The following SCFD2 variants were observed in gnomAD, a reference collection of about 807,000 sequenced individuals.
The protein encoded by SCFD2 is sec1 family domain-containing protein 2.
Under a neutral mutation model 58.9 loss-of-function variants are expected in SCFD2, and 54 were observed. The ratio of observed to expected loss-of-function variants is 0.92; its 90% CI spans 0.74 to 1.15. The LOEUF is 1.15. SCFD2 is among the 50% of genes most tolerant of loss of function. The probability of loss-of-function intolerance (pLI) is 0.00; values close to 1 mark genes in which losing one functional copy is unlikely to be tolerated. For synonymous variants in SCFD2, 321 were observed against 335.9 expected (o/e 0.96, Z 0.49); for missense variants, 805 against 836.6 (o/e 0.96, Z 0.47).
chr4:53,154,548 T>G (rs143465913), intron 4 of SCFD2, among the ~76,000 whole-genome samples: 2 of 152,276 alleles, frequency 1.3e-5, no homozygotes, highest in African/African-American at 4.8e-5. Flanking sequence ...AACATGAGAT[T>G]TGGAGGGGGC....
intron 5 of SCFD2, among the ~76,000 whole-genome samples, chr4:52,989,555 G>A (rs1048278357): frequency 6.6e-6 from 1 of 152,160 alleles, no homozygotes; most frequent in African/African-American, 2.4e-5. Context: ...TAGAATGCCT[G>A]TGGAATGCTT....
At chr4:53,160,103 T>C (rs1577788674) in intron 4 of SCFD2, among the ~76,000 whole-genome samples, 1 of 152,146 alleles carries the variant, frequency 6.6e-6, no homozygotes, top group Non-Finnish European at 1.5e-5. Context: ...ATTGTCAAGA[T>C]AGATTTAGTT....
intron 5 of SCFD2, among the ~76,000 whole-genome samples, chr4:53,011,836 A>G (rs1288489501): frequency 6.6e-6 from 1 of 152,208 alleles, no homozygotes; most frequent in African/African-American, 2.4e-5. Flanking sequence ...TGATGCCTTC[A>G]TAACATTATT....
chr4:52,910,273 G>A (rs925337028), intron 6 of SCFD2, among the ~76,000 whole-genome samples: 5 of 152,316 alleles, frequency 3.3e-5, no homozygotes, highest in Non-Finnish European at 4.4e-5. Flanking sequence ...TCTGCTGGCT[G>A]GAATGTAGAA....
intron 5 of SCFD2, among the ~76,000 whole-genome samples, chr4:53,018,925 G>C (rs1722279470): frequency 6.6e-6 from 1 of 152,162 alleles, no homozygotes; most frequent in African/African-American, 2.4e-5. Flanking sequence ...AAGCAAAGCA[G>C]CCCGTAAAGC....
intron 5 of SCFD2, among the ~76,000 whole-genome samples, chr4:52,999,479 G>T (rs1721817060): frequency 6.6e-6 from 1 of 152,036 alleles, no homozygotes; most frequent in African/African-American, 2.4e-5. Flanking sequence ...ACATGAGAGG[G>T]GCATTTATTT....
intron 5 of SCFD2, among the ~76,000 whole-genome samples, chr4:53,103,209 A>C (rs1724879987): frequency 1.3e-5 from 2 of 152,122 alleles, no homozygotes; most frequent in Admixed American, 6.6e-5. Context: ...CAAAATTAAC[A>C]TAACTGAAGG....
At chr4:53,239,370 A>C (rs534064239) in intron 4 of SCFD2, among the ~76,000 whole-genome samples, 45 of 136,732 alleles carry the variant, frequency 3.3e-4, no homozygotes, top group South Asian at 1.3e-3. Context: ...CCATGGAAAG[A>C]GAGGGAGAGG....
chr4:53,214,118 G>C (rs191595214), intron 4 of SCFD2, among the ~76,000 whole-genome samples: 14 of 152,030 alleles, frequency 9.2e-5, no homozygotes, highest in African/African-American at 3.4e-4. Context: ...GTAAACATAC[G>C]TGTGCATGTG....
chr4:52,961,195 C>A (rs1261492564), intron 5 of SCFD2, among the ~76,000 whole-genome samples: 2 of 152,196 alleles, frequency 1.3e-5, no homozygotes, highest in Non-Finnish European at 2.9e-5. Flanking sequence ...GAGGGCTCAG[C>A]ATGGCCCATA....
chr4:53,284,229 T>TA (rs981185510), intron 3 of SCFD2, among the ~76,000 whole-genome samples: 141 of 145,434 alleles, frequency 9.7e-4, no homozygotes, highest in Middle Eastern at 3.5e-3. Flanking sequence ...GTCTAATGAG[T>TA]AAAAAAAAAA....
At chr4:53,062,836 A>G (rs1723553311) in intron 5 of SCFD2, among the ~76,000 whole-genome samples, 1 of 152,176 alleles carries the variant, frequency 6.6e-6, no homozygotes, top group South Asian at 2.1e-4. Flanking sequence ...ATCTGTGATT[A>G]GACATTTTAA....
chr4:52,995,228 C>T (rs1560504887), intron 5 of SCFD2, among the ~76,000 whole-genome samples: 1 of 152,130 alleles, frequency 6.6e-6, no homozygotes, highest in Non-Finnish European at 1.5e-5. Context: ...AGTAAAAGAT[C>T]ATCAGGCATT....
intron 4 of SCFD2, among the ~76,000 whole-genome samples, chr4:53,273,349 A>G (rs1731231240): frequency 6.6e-6 from 1 of 152,226 alleles, no homozygotes; most frequent in Non-Finnish European, 1.5e-5. Context: ...TCCCACATAC[A>G]AATATCTGTA....
intron 4 of SCFD2, among the ~76,000 whole-genome samples, chr4:53,205,859 CAA>C (rs1048224823): frequency 6.6e-5 from 7 of 105,906 alleles, no homozygotes; most frequent in African/African-American, 7.2e-5. Flanking sequence ...GAGACTGTCT[CAA>C]AAAAAAAAAA....
At chr4:53,325,848 G>GT (rs1733176435) in intron 2 of SCFD2, among the ~76,000 whole-genome samples, 3 of 151,928 alleles carry the variant, frequency 2.0e-5, no homozygotes, top group African/African-American at 2.4e-5. Context: ...ACTTTGTCCA[G>GT]TTTTTTTTAG....
At chr4:52,964,831 C>T (rs955374634) in intron 5 of SCFD2, among the ~76,000 whole-genome samples, 23 of 152,044 alleles carry the variant, frequency 1.5e-4, no homozygotes, top group Admixed American at 6.5e-4. Context: ...AAATTGGATG[C>T]TCTAAGATAA....
chr4:53,231,657 G>A (rs1235609825), intron 4 of SCFD2, among the ~76,000 whole-genome samples: 1 of 152,120 alleles, frequency 6.6e-6, no homozygotes, highest in Non-Finnish European at 1.5e-5. Flanking sequence ...ATAGAGAAGA[G>A]TGCTGATGGT....
intron 5 of SCFD2, among the ~76,000 whole-genome samples, chr4:53,105,958 C>G (rs190694094): frequency 1.3e-5 from 2 of 150,750 alleles, no homozygotes; most frequent in East Asian, 2.0e-4. Context: ...TGGCTGGCAT[C>G]TGGTGGGTGC....
Sources: allele counts gnomAD v4.1 joint callset (sites outside exome capture counted in the v4.1 genomes callset), GRCh38; gene constraint gnomAD v4.1.1; transcripts MANE v1.5; gene names NCBI Gene and HGNC (gene_info 2026-07-23, HGNC 2026-07-21).